Variants in THSD7A observed in about 807,000 individuals in gnomAD.
The protein encoded by THSD7A is thrombospondin type-1 domain-containing protein 7A.
A neutral mutation model predicts 231.3 loss-of-function variants in THSD7A; 96 were observed. The observed-to-expected ratio is 0.41, with a 90% confidence interval of 0.35 to 0.49. The LOEUF (loss-of-function observed/expected upper bound fraction) is 0.49, where lower values mean the gene tolerates loss of function less well. Ranked by LOEUF, THSD7A falls within the 20% of genes least tolerant of loss-of-function variation. The pLI is 0.05. For missense variants in THSD7A, 2,290 were observed against 2,070.2 expected (o/e 1.11, Z -2.06); for synonymous variants, 940 against 743.3 (o/e 1.26, Z -4.30).
At chr7:11,709,086 T>G (rs1780863647) in intron 1 of THSD7A, among the ~76,000 whole-genome samples, 1 of 150,782 alleles carries the variant, frequency 6.6e-6, no homozygotes, top group African/African-American at 2.4e-5. Context: ...ATAATCCTGC[T>G]CTTATGTAAA....
intron 4 of THSD7A, among the ~76,000 whole-genome samples, chr7:11,567,820 T>G (rs972312458): frequency 9.2e-5 from 14 of 152,116 alleles, no homozygotes; most frequent in African/African-American, 2.9e-4. Context: ...TCACTCCACG[T>G]CTCCCAGTCT....
chr7:11,659,035 G>C (rs1020770903), intron 1 of THSD7A, among the ~76,000 whole-genome samples: 37 of 151,604 alleles, frequency 2.4e-4, no homozygotes, highest in Admixed American at 2.2e-3. Flanking sequence ...ACACATTTTA[G>C]GTTTTGAACT....
intron 1 of THSD7A, among the ~76,000 whole-genome samples, chr7:11,784,536 C>T (rs1238421081): frequency 6.6e-6 from 1 of 151,812 alleles, no homozygotes; most frequent in Non-Finnish European, 1.5e-5. Context: ...CTCCATTCAC[C>T]TTTCATCTGC....
chr7:11,406,567 T>A lies in THSD7A; in HGVS notation c.4063-93A>T. ...TTATCTCTGCACCACTGACTTTGAT[T>A]TATGAACATTTAGAGAAGGATTTGA... On this transcript the variant is annotated intron_variant, in intron 21 of 27. Transcript: ENST00000423059. This position sits in a 1 kb window ranked among gnomAD's most constrained non-coding sequence, Gnocchi z 4.7. 2 of 1,309,866 alleles carry A rather than the reference T, an allele frequency of 1.5e-6. No individual in the cohort carries two copies. The highest frequency in any genetic ancestry group is 2.1e-6 in the Non-Finnish European group (2 of 973,714). 81.1% of individuals were successfully genotyped at this position (1,309,866 alleles called of 1,614,324 possible). A position where few individuals can be genotyped will look rare whatever the true frequency, so the allele number is the denominator to read the frequency against.
intron 2 of THSD7A, among the ~76,000 whole-genome samples, chr7:11,617,287 T>A (rs920479093): frequency 2.0e-5 from 3 of 152,186 alleles, no homozygotes; most frequent in Non-Finnish European, 4.4e-5. Flanking sequence ...ACAAATCATC[T>A]TTCATATTTT....
Position 11,474,467 on chromosome 7 carries a change from A to C in THSD7A, c.2119T>G (p.Cys707Gly). Reference protein sequence around the residue: ...YHWQTGPWGQCIEDTSVSSFN... With the variant: ...YHWQTGPWGQGIEDTSVSSFN... ...GACGATACTGAGGTGTCCTCAATGC[A>C]CTGGCCCCAGGGACCAGTTTGCCAG... Residue 707 changes from cysteine (C) to glycine (G), a missense_variant, in exon 8 of 28, where the codon TGC becomes GGC. Cys to Gly is a radical substitution (Grantham distance 159). Transcript: ENST00000423059. This position sits in a 1 kb window ranked among gnomAD's most constrained non-coding sequence, Gnocchi z 4.1. 4 of 1,613,616 alleles carry C rather than the reference A, an allele frequency of 2.5e-6. No homozygotes were observed. Among genetic ancestry groups the C allele is most frequent in the Non-Finnish European group, 3.4e-6 (4 of 1,179,614 alleles).
At chr7:11,700,856 A>T (rs17165063) in intron 1 of THSD7A, among the ~76,000 whole-genome samples, 57,389 of 150,908 alleles carry the variant, frequency 0.38, 11,168 homozygotes, top group African/African-American at 0.4. Context: ...CAGCTTCATA[A>T]GGCAAAAAAA....
intron 1 of THSD7A, among the ~76,000 whole-genome samples, chr7:11,817,792 AG>A (rs1784751053): frequency 6.6e-6 from 1 of 152,222 alleles, no homozygotes; most frequent in Non-Finnish European, 1.5e-5. Context: ...GACAGAGATT[AG>A]AAATCATATT....
intron 2 of THSD7A, among the ~76,000 whole-genome samples, chr7:11,597,373 C>T (rs550506565): frequency 4.3e-4 from 65 of 152,244 alleles, no homozygotes; most frequent in Non-Finnish European, 6.6e-4. Flanking sequence ...GCCCATATAC[C>T]GAGTGACCTG....
intron 1 of THSD7A, among the ~76,000 whole-genome samples, chr7:11,711,244 C>A (rs907327367): frequency 3.0e-4 from 45 of 150,796 alleles, no homozygotes; most frequent in African/African-American, 1.1e-3. Context: ...AGGTTTTGTC[C>A]TTTATTATAT....
intron 6 of THSD7A, among the ~76,000 whole-genome samples, chr7:11,511,156 C>G (rs113698603): frequency 1.3e-5 from 2 of 152,056 alleles, no homozygotes; most frequent in East Asian, 1.9e-4. Flanking sequence ...AGCAGAGAGC[C>G]AAATCATCAG....
chr7:11,776,715 T>A (rs1783418412), intron 1 of THSD7A, among the ~76,000 whole-genome samples: 2 of 152,194 alleles, frequency 1.3e-5, no homozygotes, highest in Admixed American at 1.3e-4. Context: ...CTGGATAAAC[T>A]GATAAAACAT....
intron 1 of THSD7A, among the ~76,000 whole-genome samples, chr7:11,660,877 G>A (rs768965081): frequency 2.6e-5 from 4 of 151,452 alleles, no homozygotes; most frequent in Admixed American, 1.3e-4. Flanking sequence ...CTGGAGAAAT[G>A]TTTAAAAATC....
intron 11 of THSD7A, among the ~76,000 whole-genome samples, chr7:11,450,715 C>T (rs1430723684): frequency 6.6e-6 from 1 of 151,934 alleles, no homozygotes; most frequent in Admixed American, 6.6e-5. Context: ...TTTCTTAGCA[C>T]ACCAGAAAAC....
At chr7:11,691,190 G>GTGTT (rs943115490) in intron 1 of THSD7A, among the ~76,000 whole-genome samples, 2 of 151,466 alleles carry the variant, frequency 1.3e-5, no homozygotes, top group Non-Finnish European at 3.0e-5. Flanking sequence ...GGTAAGTCTA[G>GTGTT]TGTTAGGATA....
chr7:11,507,137 A>G (rs1340498300), intron 6 of THSD7A, among the ~76,000 whole-genome samples: 1 of 152,192 alleles, frequency 6.6e-6, no homozygotes, highest in Non-Finnish European at 1.5e-5. Context: ...GGTACTATGG[A>G]CCTTGAAGCA....
chr7:11,518,814 A>G (rs1477005967), intron 6 of THSD7A, among the ~76,000 whole-genome samples: 6 of 152,224 alleles, frequency 3.9e-5, no homozygotes, highest in Admixed American at 3.9e-4. Flanking sequence ...ATAATAAATT[A>G]TCAAATGTTA....
chr7:11,431,624 T>C (rs940223975), intron 13 of THSD7A, among the ~76,000 whole-genome samples: 4 of 152,140 alleles, frequency 2.6e-5, no homozygotes, highest in Non-Finnish European at 4.4e-5. Context: ...AATCCAGAAG[T>C]GTGAGTCTTC....
In THSD7A at chr7:11,481,910, G is replaced by A. The variant is rs373554245; in HGVS notation, c.1895C>T (p.Pro632Leu). ...PIPVACDAPC[P>L]KDCVLSTWST... ...CCATGTGCTGAGCACACAGTCTTTC[G>A]GGCATGGGGCATCACAGGCCACAGG... Residue 632 changes from proline (P) to leucine (L), a missense_variant, in exon 7 of 28, where the codon CCG becomes CTG. Coordinates refer to ENST00000423059, the MANE Select transcript of THSD7A (RefSeq NM_015204.3). 4.7e-5 allele frequency: 76 copies of A among 1,613,704 alleles called. No homozygotes were observed. The highest frequency in any genetic ancestry group is 3.2e-4 in the Admixed American group (19 of 60,010).
Sources: gnomAD v4.1 joint callset for allele counts (sites outside exome capture counted in the v4.1 genomes callset) on GRCh38, gnomAD v4.1.1 for gene constraint, Gnocchi (gnomAD v3.1) non-coding constraint, MANE v1.5 for transcripts, NCBI Gene and HGNC (gene_info 2026-07-23, HGNC 2026-07-21) for gene names.